DCUN1D4: variants seen among roughly 807,000 people sequenced by gnomAD.
DCUN1D4 encodes DCN1-like protein 4.
Under a neutral mutation model 47.9 loss-of-function variants are expected in DCUN1D4, and 22 were observed. That is an observed-to-expected ratio of 0.46 (90% CI 0.33 to 0.66). The LOEUF (loss-of-function observed/expected upper bound fraction) is 0.66, where lower values mean the gene tolerates loss of function less well. Ranked by LOEUF, DCUN1D4 falls within the 30% of genes least tolerant of loss-of-function variation. The pLI is 0.02. For synonymous variants in DCUN1D4, 121 were observed against 112.2 expected (o/e 1.08, Z -0.50); for missense variants, 301 against 340.8 (o/e 0.88, Z 0.92).
chr4:51,909,281 C>G (rs997016197), intron 8 of DCUN1D4: 7 of 264,582 alleles, frequency 2.6e-5, no homozygotes, highest in African/African-American at 1.4e-4. Flanking sequence ...AGGGAAAACT[C>G]TTCCAGAGCG....
intron 1 of DCUN1D4, among the ~76,000 whole-genome samples, chr4:51,852,730 A>G (rs192216120): frequency 1.2e-4 from 18 of 152,328 alleles, no homozygotes; most frequent in African/African-American, 3.8e-4. Flanking sequence ...GACATGCACC[A>G]TCTCATTTAA....
At chr4:51,846,052 G>A (rs1319341439) in intron 1 of DCUN1D4, among the ~76,000 whole-genome samples, 2 of 152,106 alleles carry the variant, frequency 1.3e-5, no homozygotes, top group Non-Finnish European at 2.9e-5. Context: ...TCAAAATGGT[G>A]TTTTTAAAGA....
chr4:51,846,003 G>C (rs1722487897), intron 1 of DCUN1D4, among the ~76,000 whole-genome samples: 1 of 152,200 alleles, frequency 6.6e-6, no homozygotes, highest in South Asian at 2.1e-4. Flanking sequence ...AGAGGGTAAA[G>C]TGATGAGGTT....
chr4:51,848,324 C>A lies in DCUN1D4; in HGVS notation c.25+5057C>A, dbSNP rs972853438. 1.4e-5 allele frequency: 18 copies of A among 1,286,042 alleles called. No individual in the cohort carries two copies. In the Admixed American group the frequency reaches 4.1e-4, roughly 30 times the overall value. 79.7% of individuals were successfully genotyped at this position (1,286,042 alleles called of 1,614,324 possible). ...GTGCACACGTCCGTTTCTGGTCTCT[C>A]GTGTCAGCGTCCTACCTGCACAAGG... On this transcript the variant is annotated intron_variant, in intron 1 of 10. Coordinates refer to ENST00000334635, the MANE Select transcript of DCUN1D4 (RefSeq NM_001040402.3).
chr4:51,845,247 C>T, intron 1 of DCUN1D4: 1 of 985,366 alleles, frequency 1.0e-6, no homozygotes, highest in South Asian at 4.7e-5. Context: ...AGTGGAGGTA[C>T]ACGTAACCCT....
rs1276342722 is a variant in DCUN1D4, at chr4:51,883,313, TAAAG to T, written c.344-3250_344-3247del. Among the ~76,000 whole-genome samples the T allele has an allele frequency of 2.6e-5, 4 of 152,354 alleles. No homozygotes were observed. In the South Asian group the frequency reaches 6.2e-4, roughly 24 times the overall value. On this transcript the variant is annotated intron_variant, in intron 5 of 10. Transcript: ENST00000334635. ...GAGGATACTATCATGTCTTATCTGG[TAAAG>T]AAAGGGAGAAGGCAAGTTTCTTTTT...
chr4:51,895,011 G>A (rs1005575030), intron 7 of DCUN1D4, among the ~76,000 whole-genome samples: 2 of 152,084 alleles, frequency 1.3e-5, no homozygotes, highest in Non-Finnish European at 2.9e-5. Flanking sequence ...CTCCCATGTT[G>A]GAAGGGGCAA....
intron 5 of DCUN1D4, among the ~76,000 whole-genome samples, chr4:51,881,460 T>C (rs1728607487): frequency 6.6e-6 from 1 of 152,108 alleles, no homozygotes; most frequent in East Asian, 1.9e-4. Context: ...CCCATTTGCC[T>C]CTGTGATGTG....
intron 3 of DCUN1D4, among the ~76,000 whole-genome samples, chr4:51,866,425 A>C (rs988482949): frequency 6.6e-6 from 1 of 151,780 alleles, no homozygotes; most frequent in African/African-American, 2.4e-5. Context: ...TTTTCCTTAA[A>C]TACAAGTGTA....
At chr4:51,868,669 G>A (rs549245101) in intron 3 of DCUN1D4, among the ~76,000 whole-genome samples, 1 of 152,312 alleles carries the variant, frequency 6.6e-6, no homozygotes, top group South Asian at 2.1e-4. Flanking sequence ...GTGTGGAAGA[G>A]CCAAACCTAA....
chr4:51,886,922 A>G lies in DCUN1D4; in HGVS notation c.414+284A>G, dbSNP rs893641426. ...AATGGTGTGGCCACATGTGCCTACA[A>G]TGACGGATCAACTGGAGGCCACATT... On this transcript the variant is annotated intron_variant, in intron 6 of 10. Coordinates refer to ENST00000334635, the MANE Select transcript of DCUN1D4 (RefSeq NM_001040402.3). The G allele has an allele frequency of 2.1e-5, 9 of 428,110 alleles. No homozygotes were observed. In the East Asian group the frequency reaches 2.6e-4, roughly 12 times the overall value. 26.5% of individuals were successfully genotyped at this position (428,110 alleles called of 1,614,324 possible).
chr4:51,866,060 CCTT>C (rs1460796697), intron 3 of DCUN1D4, among the ~76,000 whole-genome samples: 5 of 152,148 alleles, frequency 3.3e-5, no homozygotes, highest in Admixed American at 2.0e-4. Context: ...ATCAGGCACT[CCTT>C]CTTCCAGGGA....
At chr4:51,891,337 T>C (rs1201299467) in intron 6 of DCUN1D4, among the ~76,000 whole-genome samples, 2 of 152,234 alleles carry the variant, frequency 1.3e-5, no homozygotes, top group Non-Finnish European at 2.9e-5. Context: ...GGCCATTTGG[T>C]TGTTTTCAGT....
At chr4:51,909,737 C>T (rs1186942358) in intron 8 of DCUN1D4, among the ~76,000 whole-genome samples, 1 of 152,158 alleles carries the variant, frequency 6.6e-6, no homozygotes, top group African/African-American at 2.4e-5. Flanking sequence ...TATGTGACCT[C>T]TGAAAGAAGG....
chr4:51,887,424 G>T (rs914778747), intron 6 of DCUN1D4, among the ~76,000 whole-genome samples: 1 of 152,156 alleles, frequency 6.6e-6, no homozygotes, highest in South Asian at 2.1e-4. Context: ...TAATGTAAAA[G>T]CCCTAGGTAT....
chr4:51,883,363 T>C (rs1411853519), intron 5 of DCUN1D4, among the ~76,000 whole-genome samples: 1 of 152,258 alleles, frequency 6.6e-6, no homozygotes, highest in Non-Finnish European at 1.5e-5. Context: ...TATTTTATTC[T>C]GTATGTTCTC....
chr4:51,869,991 A>G (rs1726621492), intron 3 of DCUN1D4, among the ~76,000 whole-genome samples: 1 of 152,218 alleles, frequency 6.6e-6, no homozygotes, highest in African/African-American at 2.4e-5. Context: ...CCTAAGTGTC[A>G]TGTAAACACC....
chr4:51,880,733 A>G (rs1728466143), intron 5 of DCUN1D4, among the ~76,000 whole-genome samples: 1 of 152,116 alleles, frequency 6.6e-6, no homozygotes, highest in Non-Finnish European at 1.5e-5. Flanking sequence ...ACACTTTGGT[A>G]CTTTAGCTCT....
chr4:51,835,614 T>G, the DCUN1D4 span, among the ~76,000 whole-genome samples: 1 of 152,056 alleles, frequency 6.6e-6, no homozygotes, highest in African/African-American at 2.4e-5. Context: ...AAGGCTGGAC[T>G]TGTAGGCTAA....
Sources: allele counts gnomAD v4.1 joint callset (sites outside exome capture counted in the v4.1 genomes callset), GRCh38; gene constraint gnomAD v4.1.1; transcripts MANE v1.5; gene names NCBI Gene and HGNC (gene_info 2026-07-23, HGNC 2026-07-21).